The following TMEM229B variants were observed in gnomAD, a reference collection of about 807,000 sequenced individuals.
TMEM229B encodes chromosome 14 open reading frame 83.
Under a neutral mutation model 13.7 loss-of-function variants are expected in TMEM229B, and 6 were observed. The observed-to-expected ratio is 0.44, with a 90% CI of 0.24 to 0.86. The LOEUF is 0.86. TMEM229B is among the 40% of genes least tolerant of loss of function. The pLI is 0.23. For missense variants in TMEM229B, 170 were observed against 236.0 expected, an observed-to-expected ratio of 0.72 and a Z score of 1.83; for synonymous variants, 107 against 102.1, an observed-to-expected ratio of 1.05 and a Z score of -0.29.
At chr14:67,479,996 C>T (rs547934875) in intron 2 of TMEM229B, among the ~76,000 whole-genome samples, 4 of 152,284 alleles carry the variant, frequency 2.6e-5, no homozygotes, top group Middle Eastern at 3.4e-3. Context: ...ACCTAATGGA[C>T]GCTGCCCAAC....
chr14:67,518,661 C>A (rs1272794841), upstream of TMEM229B, among the ~76,000 whole-genome samples: 1 of 152,194 alleles, frequency 6.6e-6, no homozygotes, highest in Non-Finnish European at 1.5e-5. Flanking sequence ...TCTGCCCTTC[C>A]CCCAAAGGAA....
chr14:67,493,076 A>G (rs2032231643), upstream of TMEM229B, among the ~76,000 whole-genome samples: 1 of 152,200 alleles, frequency 6.6e-6, no homozygotes, highest in Admixed American at 6.5e-5. Flanking sequence ...GAACTTTGGG[A>G]AAAGCATTCC....
chr14:67,512,501 A>G (rs2033060056), intron 1 of TMEM229B, among the ~76,000 whole-genome samples: 2 of 152,206 alleles, frequency 1.3e-5, no homozygotes, highest in Admixed American at 1.3e-4. Context: ...AAATACACCC[A>G]GACCACCTTG....
intron 1 of TMEM229B, among the ~76,000 whole-genome samples, chr14:67,514,875 T>C (rs979491659): frequency 7.2e-5 from 11 of 152,072 alleles, no homozygotes; most frequent in Admixed American, 7.2e-4. Context: ...GCACCACCTA[T>C]CTAATCTGCG....
At position 67,481,180 on chromosome 14, in the gene TMEM229B, C is replaced by T. The variant is rs541446190; in HGVS notation, c.-19+5820G>A. The stretch of plus-strand genomic sequence containing the variant: ...GATGTGGTGTGCCTGTAGTCCCAGA[C>T]GCTAAGGCAGGAGGATCCCTTGAGT... On this transcript the variant is annotated intron_variant, in intron 2 of 2. Transcript: ENST00000554480. 7.4e-4 allele frequency among the ~76,000 whole-genome samples: 113 copies of T among 152,182 alleles called. 1 individual carries two copies. Among genetic ancestry groups the T allele is most frequent in the African/African-American group, 2.5e-3 (102 of 41,514 alleles).
chr14:67,496,394 T>TTTTTTG (rs2032372874), intron 1 of TMEM229B, among the ~76,000 whole-genome samples: 3 of 71,168 alleles, frequency 4.2e-5, no homozygotes, highest in Non-Finnish European at 8.9e-5. Context: ...CTCCGGCGTT[T>TTTTTTG]TTTTTTTTTT....
intron 1 of TMEM229B, among the ~76,000 whole-genome samples, chr14:67,532,379 G>A (rs969964916): frequency 6.6e-6 from 1 of 152,202 alleles, no homozygotes; most frequent in South Asian, 2.1e-4. Flanking sequence ...GTTTTGAAGT[G>A]TGGATCCCTC....
intron 1 of TMEM229B, among the ~76,000 whole-genome samples, chr14:67,507,032 C>T (rs758489844): frequency 2.0e-5 from 3 of 151,986 alleles, no homozygotes; most frequent in Non-Finnish European, 2.9e-5. Flanking sequence ...TCAAAGGGAA[C>T]TGAAGATAGC....
intron 1 of TMEM229B, among the ~76,000 whole-genome samples, chr14:67,504,391 A>G (rs2032740416): frequency 6.6e-6 from 1 of 152,210 alleles, no homozygotes; most frequent in Non-Finnish European, 1.5e-5. Context: ...TTACTGTACT[A>G]CAAACAGCAA....
At chr14:67,507,172 T>C (rs1010877974) in intron 1 of TMEM229B, among the ~76,000 whole-genome samples, 1 of 151,966 alleles carries the variant, frequency 6.6e-6, no homozygotes, top group African/African-American at 2.4e-5. Context: ...TAACACTGAG[T>C]TGCCCAGAAA....
At chr14:67,524,053 C>T (rs560731234) in intron 1 of TMEM229B, among the ~76,000 whole-genome samples, 3 of 152,128 alleles carry the variant, frequency 2.0e-5, no homozygotes, top group East Asian at 3.9e-4. Context: ...AGGAACTGGC[C>T]GCTCAGAGAC....
intron 1 of TMEM229B, among the ~76,000 whole-genome samples, chr14:67,521,802 T>C (rs1240796321): frequency 6.6e-6 from 1 of 152,186 alleles, no homozygotes; most frequent in Non-Finnish European, 1.5e-5. Context: ...AGAGCACACA[T>C]TGAAACCACA....
chr14:67,494,031 T>G (rs2032269695), intron 1 of TMEM229B, among the ~76,000 whole-genome samples: 1 of 152,008 alleles, frequency 6.6e-6, no homozygotes, highest in South Asian at 2.1e-4. Context: ...CACCATGCAC[T>G]CAGCTGGACA....
At chr14:67,529,804 C>T (rs1197475193) in intron 1 of TMEM229B, among the ~76,000 whole-genome samples, 3 of 152,190 alleles carry the variant, frequency 2.0e-5, no homozygotes, top group Non-Finnish European at 2.9e-5. Context: ...TTCTTTGTGA[C>T]CCAAGGCAGA....
In TMEM229B at chr14:67,510,600, G is replaced by A. The variant is rs73288681; in HGVS notation, c.-192+4486C>T. Among the ~76,000 whole-genome samples, 994 of 152,254 alleles carry A rather than the reference G, an allele frequency of 6.5e-3. 9 individuals are homozygous for A. Among genetic ancestry groups the A allele is most frequent in the African/African-American group, 0.022 (928 of 41,546 alleles). On this transcript the variant is annotated intron_variant, in intron 1 of 2. Coordinates refer to the TMEM229B transcript ENST00000357461. Reference sequence around the variant, plus strand: ...GAAAACAAGACAAAAATCTGGAACCGCTGCTTGTGTTGCCCAGTGGTAATG... The same window carrying A: ...GAAAACAAGACAAAAATCTGGAACCACTGCTTGTGTTGCCCAGTGGTAATG...
intron 1 of TMEM229B, among the ~76,000 whole-genome samples, chr14:67,512,602 C>T (rs1206689346): frequency 6.6e-6 from 1 of 152,184 alleles, no homozygotes; most frequent in East Asian, 1.9e-4. Context: ...TTAGCTATCC[C>T]TTCCCTCCCC....
At chr14:67,513,540 C>A (rs2140249619) in intron 1 of TMEM229B, among the ~76,000 whole-genome samples, 1 of 152,302 alleles carries the variant, frequency 6.6e-6, no homozygotes, top group East Asian at 1.9e-4. Context: ...ATGCTGTGTC[C>A]CCAGTTGCCT....
rs2030738229 is a variant in TMEM229B, at chr14:67,471,745, C to T, written c.*1675G>A. On this transcript the variant is annotated 3_prime_UTR_variant, in exon 3 of 3. Transcript: ENST00000554480. ...AGACCTAGGACACAACTGTGGCCCACCCCACCACACCCTGCACCCCACCAC... is the reference window on the plus strand; with the variant it reads ...AGACCTAGGACACAACTGTGGCCCATCCCACCACACCCTGCACCCCACCAC... 6.6e-6 allele frequency: 1 copy of T among 152,348 alleles called. No homozygotes were observed. Among genetic ancestry groups the T allele is most frequent in the East Asian group, 1.9e-4 (1 of 5,206 alleles). 9.4% of individuals were successfully genotyped at this position (152,348 alleles called of 1,614,324 possible).
chr14:67,504,691 C>T (rs1227689240), intron 1 of TMEM229B, among the ~76,000 whole-genome samples: 1 of 152,158 alleles, frequency 6.6e-6, no homozygotes, highest in Non-Finnish European at 1.5e-5. Context: ...TCAAGACCAG[C>T]CTGGCCAACT....
Sources: allele counts gnomAD v4.1 joint callset (sites outside exome capture counted in the v4.1 genomes callset), GRCh38; gene constraint gnomAD v4.1.1; transcripts MANE v1.5; gene names NCBI Gene and HGNC (gene_info 2026-07-23, HGNC 2026-07-21).